The following STK32C variants were observed in gnomAD, a reference collection of about 807,000 sequenced individuals.
STK32C encodes serine/threonine kinase 32C.
STK32C carries 31 observed loss-of-function variants against 56.5 expected under a neutral mutation model. The ratio of observed to expected loss-of-function variants is 0.55; its 90% CI spans 0.41 to 0.74. The LOEUF is 0.74. Among genes scored for constraint, STK32C ranks in the 30% least tolerant of loss-of-function variants. STK32C has a pLI of 0.00. For missense variants in STK32C, 544 were observed against 676.9 expected (o/e 0.80, Z 2.18); for synonymous variants, 309 against 289.4 (o/e 1.07, Z -0.69).
intron 1 of STK32C, among the ~76,000 whole-genome samples, chr10:132,318,571 C>T (rs1199963982): frequency 3.3e-5 from 5 of 151,040 alleles, no homozygotes; most frequent in Non-Finnish European, 5.9e-5. Context: ...GCTGAGATTG[C>T]GCCACTGCAC....
chr10:132,275,781 A>C (rs551395756), intron 1 of STK32C, among the ~76,000 whole-genome samples: 2 of 152,260 alleles, frequency 1.3e-5, no homozygotes, highest in African/African-American at 4.8e-5. Context: ...CTTCCATTAG[A>C]GAAACTACAG....
intron 1 of STK32C, among the ~76,000 whole-genome samples, chr10:132,328,776 A>G (rs1464179836): frequency 6.6e-6 from 1 of 152,264 alleles, no homozygotes; most frequent in Admixed American, 6.5e-5. Flanking sequence ...AAGGAATGTG[A>G]AAAAACATAC....
chr10:132,252,485 G>A (rs1379308080), intron 1 of STK32C, among the ~76,000 whole-genome samples: 1 of 152,256 alleles, frequency 6.6e-6, no homozygotes, highest in Admixed American at 6.5e-5. Context: ...TCCTTCACCC[G>A]TGCTGTCCAC....
chr10:132,239,288 G>A (rs995168077), intron 2 of STK32C, among the ~76,000 whole-genome samples: 4 of 152,178 alleles, frequency 2.6e-5, no homozygotes, highest in Non-Finnish European at 5.9e-5. Context: ...CAGGAGAGCA[G>A]GTCAGCTCAA....
chr10:132,251,025 G>A (rs1285540311), intron 1 of STK32C, among the ~76,000 whole-genome samples: 1 of 152,168 alleles, frequency 6.6e-6, no homozygotes, highest in African/African-American at 2.4e-5. Context: ...AGCATTAGGG[G>A]AGCCAGGGAT....
chr10:132,283,820 T>C (rs1315478460), intron 1 of STK32C, among the ~76,000 whole-genome samples: 1 of 152,146 alleles, frequency 6.6e-6, no homozygotes, highest in African/African-American at 2.4e-5. Context: ...TGGCTGTGGC[T>C]CCACTTCTCC....
intron 5 of STK32C, 39 bp from the exon 6 acceptor site, chr10:132,225,655 A>C (rs1590177966): frequency 6.2e-7 from 1 of 1,608,562 alleles, no homozygotes; most frequent in Non-Finnish European, 8.5e-7. Flanking sequence ...TCCCAGGACC[A>C]GAGATGCATC....
At chr10:132,227,789 C>T (rs2062945134) in intron 3 of STK32C, among the ~76,000 whole-genome samples, 188 bp downstream of exon 3, 1 of 152,168 alleles carries the variant, frequency 6.6e-6, no homozygotes, top group Non-Finnish European at 1.5e-5. Context: ...GTCATGGCCA[C>T]CTGGGCCACT....
intron 1 of STK32C, among the ~76,000 whole-genome samples, chr10:132,286,009 C>T (rs924240316): frequency 6.6e-6 from 1 of 152,010 alleles, no homozygotes; most frequent in African/African-American, 2.4e-5. Context: ...GCCTGTCATC[C>T]CAGCTACTCG....
At chr10:132,252,849 C>G (rs2063956126) in intron 1 of STK32C, among the ~76,000 whole-genome samples, 1 of 152,160 alleles carries the variant, frequency 6.6e-6, no homozygotes, top group Non-Finnish European at 1.5e-5. Context: ...CATCTGAATC[C>G]CGCTAAGTGA....
intron 1 of STK32C, among the ~76,000 whole-genome samples, chr10:132,313,735 T>A (rs1225595276): frequency 6.6e-6 from 1 of 152,118 alleles, no homozygotes; most frequent in Non-Finnish European, 1.5e-5. Flanking sequence ...AAGAAAGGAA[T>A]GAATGAAAGG....
At chr10:132,297,272 G>A (rs80296132) in intron 1 of STK32C, among the ~76,000 whole-genome samples, 10,767 of 152,258 alleles carry the variant, frequency 0.071, 472 homozygotes, top group African/African-American at 0.12. Context: ...CATCCCCAGC[G>A]TGTCCAGGGC....
chr10:132,223,221 AC>A lies in STK32C; in HGVS notation c.994-236del, dbSNP rs201962273. ...GCCTGTTCTCAGTGCTGCTACCTAA[AC>A]CCCTGGCGCCAGAGGACAGCAGAGG... On this transcript the variant is annotated intron_variant, in intron 8 of 11. Coordinates refer to ENST00000298630, the MANE Select transcript of STK32C (RefSeq NM_173575.4). Among the ~76,000 whole-genome samples, 980 of 152,062 alleles carry A rather than the reference AC, an allele frequency of 6.4e-3. 3 individuals are homozygous for A. The highest frequency in any genetic ancestry group is 0.022 in the African/African-American group (908 of 41,456).
chr10:132,300,431 G>T (rs898417028), intron 1 of STK32C, among the ~76,000 whole-genome samples: 1 of 152,138 alleles, frequency 6.6e-6, no homozygotes, highest in Non-Finnish European at 1.5e-5. Context: ...ATGGAATCTG[G>T]GGGGGACAAA....
At chr10:132,211,572 C>T (rs1250966393) in intron 10 of STK32C, among the ~76,000 whole-genome samples, 2 of 152,222 alleles carry the variant, frequency 1.3e-5, no homozygotes, top group Admixed American at 6.5e-5. Context: ...ACTCCCTTCC[C>T]AAGGTGTGTG....
intron 1 of STK32C, among the ~76,000 whole-genome samples, chr10:132,262,226 G>A (rs1364449135): frequency 6.6e-6 from 1 of 152,160 alleles, no homozygotes; most frequent in Non-Finnish European, 1.5e-5. Flanking sequence ...GGTGCTGGGA[G>A]AGCCGGCGAG....
chr10:132,264,742 G>A (rs1230556711), intron 1 of STK32C, among the ~76,000 whole-genome samples: 1 of 152,236 alleles, frequency 6.6e-6, no homozygotes, highest in Non-Finnish European at 1.5e-5. Context: ...CAAAGCCAGC[G>A]AGGTGGGACC....
At chr10:132,289,630 CG>C in intron 1 of STK32C, among the ~76,000 whole-genome samples, 1 of 152,306 alleles carries the variant, frequency 6.6e-6, no homozygotes, top group East Asian at 1.9e-4. Context: ...ATCAAAGCAC[CG>C]GAAGACTCAG....
chr10:132,308,457 T>G (rs1393080707), upstream of STK32C, among the ~76,000 whole-genome samples: 2 of 152,002 alleles, frequency 1.3e-5, no homozygotes, highest in African/African-American at 4.8e-5. Context: ...CCTTCTGCTT[T>G]GCGCAGGGTG....
Sources: gnomAD v4.1 joint callset for allele counts (sites outside exome capture counted in the v4.1 genomes callset) on GRCh38, gnomAD v4.1.1 for gene constraint, MANE v1.5 for transcripts, NCBI Gene and HGNC (gene_info 2026-07-23, HGNC 2026-07-21) for gene names.